The following SGMS1 variants were observed in gnomAD, a reference collection of about 807,000 sequenced individuals.
SGMS1 encodes the protein sphingomyelin synthase 1, also known as phosphatidylcholine:ceramide cholinephosphotransferase 1.
A neutral mutation model predicts 46.2 loss-of-function variants in SGMS1; 13 were observed. The observed-to-expected ratio is 0.28, with a 90% CI of 0.18 to 0.45. The LOEUF (loss-of-function observed/expected upper bound fraction) is 0.45. Ranked by LOEUF, SGMS1 falls within the 20% of genes least tolerant of loss-of-function variation. The pLI, the probability that SGMS1 is intolerant of heterozygous loss-of-function variation, is 1.00. For synonymous variants in SGMS1, 203 were observed against 187.8 expected, an observed-to-expected ratio of 1.08 and a Z score of -0.66; for missense variants, 324 against 519.9, an observed-to-expected ratio of 0.62 and a Z score of 3.66.
chr10:50,490,300 T>C (rs1235373938), intron 3 of SGMS1, among the ~76,000 whole-genome samples: 1 of 152,174 alleles, frequency 6.6e-6, no homozygotes, highest in Non-Finnish European at 1.5e-5. Flanking sequence ...GATTAAAAAA[T>C]TGCCATGAGA....
At chr10:50,537,403 T>A (rs1396749522) in intron 2 of SGMS1, among the ~76,000 whole-genome samples, 1 of 151,064 alleles carries the variant, frequency 6.6e-6, no homozygotes, top group Non-Finnish European at 1.5e-5. Context: ...ACACTTAATT[T>A]ACTTAGCATC....
chr10:50,400,631 T>G (rs1848923361), intron 6 of SGMS1, among the ~76,000 whole-genome samples: 1 of 151,748 alleles, frequency 6.6e-6, no homozygotes, highest in South Asian at 2.1e-4. Flanking sequence ...AAAAAAAATT[T>G]TTTTACAGAC....
intron 2 of SGMS1, among the ~76,000 whole-genome samples, chr10:50,554,296 G>T (rs147148674): frequency 2.0e-5 from 3 of 152,114 alleles, no homozygotes; most frequent in Middle Eastern, 3.4e-3. Flanking sequence ...AACCCGTTCC[G>T]GTCTGTCAGT....
At chr10:50,377,324 C>CA (rs1340843004) in intron 6 of SGMS1, among the ~76,000 whole-genome samples, 1 of 152,260 alleles carries the variant, frequency 6.6e-6, no homozygotes, top group Middle Eastern at 3.4e-3. Flanking sequence ...ATAACCCATT[C>CA]ACCCATTAAT....
chr10:50,315,787 A>G (rs1847328871), intron 8 of SGMS1, among the ~76,000 whole-genome samples: 3 of 152,364 alleles, frequency 2.0e-5, no homozygotes, highest in South Asian at 4.1e-4. Flanking sequence ...AGAAAGTCTC[A>G]TATCTACACC....
At chr10:50,417,040 A>G (rs1849180513) in intron 6 of SGMS1, among the ~76,000 whole-genome samples, 1 of 152,110 alleles carries the variant, frequency 6.6e-6, no homozygotes, top group South Asian at 2.1e-4. Context: ...TCAGTTTACA[A>G]GTCTTCCCAC....
intron 2 of SGMS1, among the ~76,000 whole-genome samples, chr10:50,581,654 T>G (rs2131877517): frequency 6.6e-6 from 1 of 152,318 alleles, no homozygotes; most frequent in East Asian, 1.9e-4. Flanking sequence ...CCTATTATAA[T>G]TCCCACAAAT....
At chr10:50,386,620 C>T (rs1848686762) in intron 6 of SGMS1, among the ~76,000 whole-genome samples, 1 of 152,130 alleles carries the variant, frequency 6.6e-6, no homozygotes, top group Non-Finnish European at 1.5e-5. Flanking sequence ...GGCTCCTAGG[C>T]TAGGAAGGGG....
chr10:50,364,381 A>T (rs1320814153), intron 6 of SGMS1, among the ~76,000 whole-genome samples: 2 of 152,196 alleles, frequency 1.3e-5, no homozygotes, highest in Non-Finnish European at 2.9e-5. Flanking sequence ...ACACTAATTA[A>T]TTTTTTTAAA....
At chr10:50,519,967 A>C (rs1445591607) in intron 2 of SGMS1, 46 bp from the exon 3 acceptor site, 1 of 152,328 alleles carries the variant, frequency 6.6e-6, no homozygotes, top group East Asian at 1.9e-4. Context: ...AACCAGAAGG[A>C]ACAAAAGGGC....
At chr10:50,527,160 A>T (rs1588865337) in intron 2 of SGMS1, among the ~76,000 whole-genome samples, 1 of 152,172 alleles carries the variant, frequency 6.6e-6, no homozygotes, top group East Asian at 1.9e-4. Flanking sequence ...TCCACTCCGT[A>T]AGTAGACATT....
chr10:50,341,864 T>C (rs1847826628), intron 7 of SGMS1, among the ~76,000 whole-genome samples: 1 of 152,240 alleles, frequency 6.6e-6, no homozygotes, highest in Admixed American at 6.5e-5. Flanking sequence ...ATTATTAATA[T>C]ACTTTAAGAA....
At chr10:50,503,199 ATTAC>A (rs1564419129) in intron 3 of SGMS1, among the ~76,000 whole-genome samples, 2 of 152,224 alleles carry the variant, frequency 1.3e-5, no homozygotes, top group African/African-American at 4.8e-5. Flanking sequence ...TGGGGAAATG[ATTAC>A]TTACTACCTG....
At chr10:50,478,863 T>C (rs927191122) in intron 3 of SGMS1, among the ~76,000 whole-genome samples, 8 of 152,088 alleles carry the variant, frequency 5.3e-5, no homozygotes, top group Non-Finnish European at 1.2e-4. Flanking sequence ...TGTAACCACA[T>C]AGTGTACTTA....
At chr10:50,564,031 C>T (rs1484674273) in intron 2 of SGMS1, among the ~76,000 whole-genome samples, 3 of 152,234 alleles carry the variant, frequency 2.0e-5, no homozygotes, top group Non-Finnish European at 4.4e-5. Flanking sequence ...CATAGCCTCC[C>T]CTCTAACCTG....
At chr10:50,583,267 A>G (rs1376622033) in intron 2 of SGMS1, among the ~76,000 whole-genome samples, 2 of 152,234 alleles carry the variant, frequency 1.3e-5, no homozygotes, top group Admixed American at 1.3e-4. Flanking sequence ...TCAAACAAGA[A>G]TACATCTGAA....
Position 50,370,204 on chromosome 10 carries a change from C to A in SGMS1, c.-231-25859G>T, listed in dbSNP as rs113210923. Among the ~76,000 whole-genome samples, 1,399 of 152,160 alleles carry A rather than the reference C, an allele frequency of 9.2e-3. 25 individuals are homozygous for A. Among genetic ancestry groups the A allele is most frequent in the African/African-American group, 0.031 (1,280 of 41,516 alleles). ...CTGTCAACACTGCACACTTAGGGTA[C>A]ACTGAATTTATTTAAAAGTTTTTCT... On this transcript the variant is annotated intron_variant, in intron 6 of 10. Coordinates refer to ENST00000361781, the MANE Select transcript of SGMS1 (RefSeq NM_147156.4).
At chr10:50,336,662 A>T (rs1185772217) in intron 7 of SGMS1, among the ~76,000 whole-genome samples, 1 of 152,190 alleles carries the variant, frequency 6.6e-6, no homozygotes, top group African/African-American at 2.4e-5. Flanking sequence ...GTTAAAAAAA[A>T]ATACATCTCC....
At chr10:50,346,850 C>A (rs556706846) in intron 6 of SGMS1, among the ~76,000 whole-genome samples, 2 of 151,318 alleles carry the variant, frequency 1.3e-5, no homozygotes, top group African/African-American at 2.4e-5. Flanking sequence ...CAGGTGCATG[C>A]CACTGTATCT....
Sources: allele counts gnomAD v4.1 joint callset (sites outside exome capture counted in the v4.1 genomes callset), GRCh38; gene constraint gnomAD v4.1.1; transcripts MANE v1.5; gene names NCBI Gene and HGNC (gene_info 2026-07-23, HGNC 2026-07-21).